Variants in CHRM5 observed in about 807,000 individuals in gnomAD.
The protein encoded by CHRM5 is muscarinic acetylcholine receptor M5.
In CHRM5, 18 loss-of-function variants were observed where a neutral mutation model predicts 39.0. The ratio of observed to expected loss-of-function variants is 0.46; its 90% CI spans 0.32 to 0.68. The LOEUF (loss-of-function observed/expected upper bound fraction) is 0.68. Among genes scored for constraint, CHRM5 ranks in the 30% least tolerant of loss-of-function variants. The probability of loss-of-function intolerance (pLI) is 0.04; values close to 1 mark genes in which losing one functional copy is unlikely to be tolerated. For missense variants in CHRM5, 515 were observed against 651.1 expected, an observed-to-expected ratio of 0.79 and a Z score of 2.28; for synonymous variants, 241 against 246.3, an observed-to-expected ratio of 0.98 and a Z score of 0.20.
At chr15:34,053,319 A>AAAAATATATATATATATATAT (rs775436850) in intron 2 of CHRM5, among the ~76,000 whole-genome samples, 1 of 42,100 alleles carries the variant, frequency 2.4e-5, no homozygotes, top group African/African-American at 8.0e-5. Flanking sequence ...AAAAAAAAAA[A>AAAAATATATATATATATATAT]ATATATATAT....
intron 1 of CHRM5, among the ~76,000 whole-genome samples, chr15:34,025,593 T>C (rs559394232): frequency 2.0e-5 from 3 of 152,352 alleles, no homozygotes; most frequent in South Asian, 4.1e-4. Context: ...GTAGCAATGT[T>C]AATGTCCTGA....
chr15:34,039,173 G>T, intron 1 of CHRM5: 1 of 835,158 alleles, frequency 1.2e-6, no homozygotes, highest in Non-Finnish European at 1.5e-6. Context: ...GAGGCGCGGG[G>T]TGCGGGGCTA....
chr15:34,046,040 G>C (rs1899669009), intron 1 of CHRM5, among the ~76,000 whole-genome samples: 1 of 152,148 alleles, frequency 6.6e-6, no homozygotes, highest in Admixed American at 6.5e-5. Context: ...AACTGTTAAA[G>C]TTTGAGTAAT....
At chr15:33,992,032 A>G (rs919526605) in intron 1 of CHRM5, 2 of 152,236 alleles carry the variant, frequency 1.3e-5, no homozygotes, top group African/African-American at 4.8e-5. Flanking sequence ...AAAACACAAA[A>G]TGGCGCTGGA....
chr15:34,037,092 A>G (rs1245539992), intron 1 of CHRM5, among the ~76,000 whole-genome samples: 1 of 148,568 alleles, frequency 6.7e-6, no homozygotes, highest in Admixed American at 6.6e-5. Flanking sequence ...CTGGGCAACA[A>G]GAGTAAAACT....
rs551169377 is a variant in CHRM5 at position 33,981,458 on chromosome 15, T to C, written c.-408+12308T>C. Among the ~76,000 whole-genome samples, 4 of 152,176 alleles carry C rather than the reference T, an allele frequency of 2.6e-5. No homozygotes were observed. In the East Asian group the frequency reaches 5.8e-4, roughly 22 times the overall value. ...CTAAACATAACCAAGTTTTTTTAAG[T>C]AGCCAAAAGCTTTCTTCTTTTAACA... On this transcript the variant is annotated intron_variant, in intron 1 of 2. Transcript: ENST00000383263.
intron 1 of CHRM5, among the ~76,000 whole-genome samples, chr15:33,987,118 T>C (rs519152): frequency 0.93 from 142,333 of 152,268 alleles, 67,127 homozygotes; most frequent in Non-Finnish European, 1. Flanking sequence ...TTAATTCCAT[T>C]CTCAGGTCAC....
chr15:33,993,884 A>G (rs1181782348), intron 1 of CHRM5, among the ~76,000 whole-genome samples: 1 of 152,238 alleles, frequency 6.6e-6, no homozygotes, highest in Non-Finnish European at 1.5e-5. Flanking sequence ...GAATCATACT[A>G]ACGAATTCTG....
At chr15:34,001,019 ATTT>A (rs562045179) in intron 1 of CHRM5, among the ~76,000 whole-genome samples, 3 of 136,744 alleles carry the variant, frequency 2.2e-5, no homozygotes. Flanking sequence ...TTGGACTAGA[ATTT>A]TTTTTTTTTT....
chr15:34,039,023 C>T (rs1161658668), intron 1 of CHRM5: 2 of 1,123,066 alleles, frequency 1.8e-6, no homozygotes, highest in Non-Finnish European at 2.2e-6. Flanking sequence ...CACGGCCTCC[C>T]CGAGCTCCTC....
chr15:34,007,627 C>G lies in CHRM5; in HGVS notation c.-408+38477C>G, dbSNP rs141976604. Among the ~76,000 whole-genome samples the G allele has an allele frequency of 2.4e-3, 367 of 152,298 alleles. 2 individuals carry two copies. The highest frequency in any genetic ancestry group is 8.3e-3 in the African/African-American group (346 of 41,574). ...TCACTACACAATTCCAAAGCCACTT[C>G]CACACTTTTAGGTATTGGTTAGAGC... On this transcript the variant is annotated intron_variant, in intron 1 of 2. Transcript: ENST00000383263.
At chr15:34,050,553 T>A (rs1305939476) in intron 2 of CHRM5, among the ~76,000 whole-genome samples, 1 of 151,998 alleles carries the variant, frequency 6.6e-6, no homozygotes, top group Non-Finnish European at 1.5e-5. Flanking sequence ...AGACACAGAA[T>A]GACAAGCTGG....
Position 34,062,753 on chromosome 15 carries a change from C to G in CHRM5, c.36C>G (p.Val12=). 1 of 1,613,518 alleles carries G rather than the reference C, an allele frequency of 6.2e-7. No individual in the cohort carries two copies. The highest frequency in any genetic ancestry group is 8.5e-7 in the Non-Finnish European group (1 of 1,179,614). ...EGDSYHNATT[V]NGTPVNHQPL... ...ATTCTTACCACAATGCAACCACCGT[C>G]AATGGCACCCCAGTAAATCACCAGC... The change falls in exon 3 of 3, where the codon GTC becomes GTG. Residue 12 remains valine (V), a synonymous_variant. Coordinates refer to ENST00000383263, the MANE Select transcript of CHRM5 (RefSeq NM_012125.4).
At position 34,028,206 on chromosome 15, in the gene CHRM5, T is replaced by C. The variant is rs139553023; in HGVS notation, c.-407-18334T>C. Among the ~76,000 whole-genome samples the C allele has an allele frequency of 2.7e-3, 410 of 152,304 alleles. 2 individuals are homozygous for C. The highest frequency in any genetic ancestry group is 9.6e-3 in the African/African-American group (398 of 41,554). On this transcript the variant is annotated intron_variant, in intron 1 of 2. Transcript: ENST00000383263. ...TCCATAAATAATAAGATTCTAAATA[T>C]TCTATACACATATGTTCATGTGTAT...
chr15:34,046,671 G>T lies in CHRM5; in HGVS notation c.-276G>T, dbSNP rs759942567. 1 of 152,214 alleles carries T rather than the reference G, an allele frequency of 6.6e-6. No homozygotes were observed. Among genetic ancestry groups the T allele is most frequent in the African/African-American group, 2.4e-5 (1 of 41,454 alleles). The allele number at this position is 152,214 out of a possible 1,614,324, so 9.4% of individuals were successfully genotyped here. ...GCCAAGATGGCGGATTAGAAGCAGC[G>T]GCAGCCCGCAGCTCTCATGCAAAGG... On this transcript the variant is annotated 5_prime_UTR_variant, in exon 2 of 3. Transcript: ENST00000383263.
intron 1 of CHRM5, among the ~76,000 whole-genome samples, chr15:33,982,763 T>C (rs924500383): frequency 6.6e-6 from 1 of 151,036 alleles, no homozygotes; most frequent in Admixed American, 6.6e-5. Flanking sequence ...CCCATGATGT[T>C]TTCCCCTTAT....
intron 1 of CHRM5, among the ~76,000 whole-genome samples, chr15:34,014,639 A>G (rs1897803517): frequency 2.6e-5 from 4 of 152,190 alleles, no homozygotes; most frequent in Admixed American, 2.6e-4. Flanking sequence ...GATGGGATCA[A>G]TGCAGCATCT....
At chr15:33,979,637 T>G (rs1425437459) in intron 1 of CHRM5, among the ~76,000 whole-genome samples, 1 of 152,188 alleles carries the variant, frequency 6.6e-6, no homozygotes, top group Middle Eastern at 3.2e-3. Context: ...ATGAAAGATT[T>G]GGACCAAATG....
chr15:34,063,793 C>T lies in CHRM5; in HGVS notation c.1076C>T (p.Pro359Leu), dbSNP rs755207183. The T allele has an allele frequency of 6.2e-7, 1 of 1,614,158 alleles. No homozygotes were observed. Among genetic ancestry groups the T allele is most frequent in the Non-Finnish European group, 8.5e-7 (1 of 1,180,036 alleles). The change falls in exon 3 of 3, where the codon CCA becomes CTA. Residue 359 changes from proline to leucine, a missense_variant. Pro to Leu is a moderately conservative substitution (Grantham distance 98). Transcript: ENST00000383263. The surrounding 1 kb of genome is among the most constrained non-coding windows in gnomAD (Gnocchi z 4.1). ...ACTGAAAAAAGTGACTATGACACCC[C>T]AAACTACCTTCTGTCTCCAGCAGCT... ...AETEKSDYDTPNYLLSPAAAH... is the reference protein window; with the variant it reads ...AETEKSDYDTLNYLLSPAAAH...
Sources: gnomAD v4.1 joint callset for allele counts (sites outside exome capture counted in the v4.1 genomes callset) on GRCh38, gnomAD v4.1.1 for gene constraint, Gnocchi (gnomAD v3.1) non-coding constraint, MANE v1.5 for transcripts, NCBI Gene and HGNC (gene_info 2026-07-23, HGNC 2026-07-21) for gene names.